GALNTL6: variants seen among roughly 807,000 people sequenced by gnomAD.
The protein encoded by GALNTL6 is polypeptide N-acetylgalactosaminyltransferase like 6.
A neutral mutation model predicts 73.7 loss-of-function variants in GALNTL6; 46 were observed. The observed-to-expected ratio is 0.62, with a 90% CI of 0.49 to 0.80. GALNTL6 has a LOEUF of 0.80. Ranked by LOEUF, GALNTL6 falls within the 30% of genes least tolerant of loss-of-function variation. The pLI, the probability that GALNTL6 is intolerant of heterozygous loss-of-function variation, is 0.00. For missense variants in GALNTL6, 604 were observed against 755.0 expected (o/e 0.80, Z 2.34); for synonymous variants, 259 against 263.7 (o/e 0.98, Z 0.17).
intron 10 of GALNTL6, among the ~76,000 whole-genome samples, chr4:172,965,674 T>C (rs1374305264): frequency 6.6e-6 from 1 of 151,978 alleles, no homozygotes; most frequent in Non-Finnish European, 1.5e-5. Context: ...TTGGACATCT[T>C]AGTGCCCCAA....
intron 7 of GALNTL6, among the ~76,000 whole-genome samples, chr4:172,823,766 G>GA (rs932302382): frequency 6.6e-6 from 1 of 152,170 alleles, no homozygotes; most frequent in African/African-American, 2.4e-5. Flanking sequence ...AAATCTTTTA[G>GA]AAAAAATAGA....
chr4:172,729,771 G>A lies in GALNTL6; in HGVS notation c.554-79590G>A, dbSNP rs901099795. ...AATTTTTTCTATTTCTGTGCAGAAT[G>A]TCATTGGTATTTTGATAGGATTGCA... On this transcript the variant is annotated intron_variant, in intron 5 of 12. Coordinates refer to ENST00000506823, the MANE Select transcript of GALNTL6 (RefSeq NM_001034845.3). 6.5e-4 allele frequency among the ~76,000 whole-genome samples: 99 copies of A among 152,128 alleles called. 3 individuals are homozygous for A. The highest frequency in any genetic ancestry group is 2.5e-4 in the Non-Finnish European group (17 of 68,012).
chr4:172,082,948 TG>T (rs1731923686), intron 2 of GALNTL6, among the ~76,000 whole-genome samples: 3 of 152,208 alleles, frequency 2.0e-5, no homozygotes, highest in African/African-American at 7.2e-5. Flanking sequence ...ACTTCTTTTT[TG>T]GTGTTATAAG....
chr4:172,037,955 T>C (rs1419493096), intron 2 of GALNTL6, among the ~76,000 whole-genome samples: 1 of 151,878 alleles, frequency 6.6e-6, no homozygotes, highest in African/African-American at 2.4e-5. Flanking sequence ...CTGTCTCTAC[T>C]AAAAAATACA....
chr4:172,779,714 A>C (rs1739275084), intron 5 of GALNTL6, among the ~76,000 whole-genome samples: 1 of 152,222 alleles, frequency 6.6e-6, no homozygotes, highest in African/African-American at 2.4e-5. Context: ...CCCATCTGTA[A>C]AAAGCTAGAA....
chr4:172,040,016 T>C (rs1742039305), intron 2 of GALNTL6, among the ~76,000 whole-genome samples: 2 of 152,104 alleles, frequency 1.3e-5, no homozygotes, highest in African/African-American at 2.4e-5. Flanking sequence ...ACAAAAATGT[T>C]AGTCCTATGG....
At chr4:172,453,317 A>G (rs1732279896) in intron 5 of GALNTL6, among the ~76,000 whole-genome samples, 1 of 152,204 alleles carries the variant, frequency 6.6e-6, no homozygotes, top group African/African-American at 2.4e-5. Flanking sequence ...ACATAAAATT[A>G]CCCTAATAAG....
intron 3 of GALNTL6, among the ~76,000 whole-genome samples, chr4:172,296,617 G>T (rs996035540): frequency 2.0e-5 from 3 of 152,026 alleles, no homozygotes; most frequent in Non-Finnish European, 2.9e-5. Context: ...GTGGTGTTTG[G>T]TTTTTTGTCC....
intron 8 of GALNTL6, among the ~76,000 whole-genome samples, chr4:172,885,460 G>T (rs1745670838): frequency 1.3e-5 from 2 of 152,078 alleles, no homozygotes; most frequent in South Asian, 2.1e-4. Context: ...GGAACTTTTG[G>T]TGGAGTCTTT....
At chr4:172,361,578 A>G (rs752159991) in intron 5 of GALNTL6, among the ~76,000 whole-genome samples, 1 of 152,128 alleles carries the variant, frequency 6.6e-6, no homozygotes, top group Non-Finnish European at 1.5e-5. Flanking sequence ...ACCCAGGATA[A>G]TAAGCTTTTT....
chr4:172,607,470 A>G (rs1042318250), intron 5 of GALNTL6, among the ~76,000 whole-genome samples: 3 of 152,114 alleles, frequency 2.0e-5, no homozygotes, highest in African/African-American at 7.2e-5. Flanking sequence ...CAAGGACATG[A>G]TTTCATTCTT....
intron 2 of GALNTL6, among the ~76,000 whole-genome samples, chr4:171,875,428 T>C (rs1208721862): frequency 6.6e-6 from 1 of 152,112 alleles, no homozygotes; most frequent in African/African-American, 2.4e-5. Flanking sequence ...TCTTAAGTCT[T>C]TGCCTTGTCC....
At chr4:172,063,282 C>T (rs971244962) in intron 2 of GALNTL6, among the ~76,000 whole-genome samples, 1 of 152,170 alleles carries the variant, frequency 6.6e-6, no homozygotes, top group Non-Finnish European at 1.5e-5. Flanking sequence ...TAATCTTTCA[C>T]ATTCATGTTT....
At chr4:171,934,642 C>T (rs150226174) in intron 2 of GALNTL6, among the ~76,000 whole-genome samples, 199 of 152,178 alleles carry the variant, frequency 1.3e-3, no homozygotes, top group African/African-American at 4.6e-3. Flanking sequence ...TCTTGAACTC[C>T]TGGGCTCAAG....
intron 3 of GALNTL6, among the ~76,000 whole-genome samples, chr4:172,263,655 T>C (rs1015952243): frequency 6.6e-6 from 1 of 151,618 alleles, no homozygotes; most frequent in Non-Finnish European, 1.5e-5. Flanking sequence ...TTCCCCAATA[T>C]TTCTGATTTA....
chr4:172,917,456 C>T (rs1376277601), intron 8 of GALNTL6, among the ~76,000 whole-genome samples: 1 of 152,126 alleles, frequency 6.6e-6, no homozygotes, highest in Non-Finnish European at 1.5e-5. Flanking sequence ...TCAAAGTGAA[C>T]AGGCAACATA....
intron 2 of GALNTL6, among the ~76,000 whole-genome samples, chr4:171,974,425 A>G (rs1261923031): frequency 1.3e-5 from 2 of 152,140 alleles, no homozygotes; most frequent in African/African-American, 4.8e-5. Context: ...CTTCATTACC[A>G]TATTACCACA....
chr4:172,515,201 G>C (rs1430967740), intron 5 of GALNTL6, among the ~76,000 whole-genome samples: 1 of 152,208 alleles, frequency 6.6e-6, no homozygotes. Context: ...ATGGAGAAAA[G>C]TGCATCTTAT....
At chr4:172,531,887 C>T (rs1217104807) in intron 5 of GALNTL6, among the ~76,000 whole-genome samples, 3 of 152,188 alleles carry the variant, frequency 2.0e-5, no homozygotes, top group East Asian at 1.9e-4. Context: ...AGGTGCCCCA[C>T]GCATGGTCCA....
Sources: allele counts gnomAD v4.1 joint callset (sites outside exome capture counted in the v4.1 genomes callset), GRCh38; gene constraint gnomAD v4.1.1; transcripts MANE v1.5; gene names NCBI Gene and HGNC (gene_info 2026-07-23, HGNC 2026-07-21).